ERC2: variants seen among roughly 807,000 people sequenced by gnomAD.
ERC2 encodes the protein ELKS/RAB6-interacting/CAST family member 2, also known as ERC protein 2.
Under a neutral mutation model 114.8 loss-of-function variants are expected in ERC2, and 42 were observed. The ratio of observed to expected loss-of-function variants is 0.37; its 90% CI spans 0.29 to 0.47. The LOEUF (loss-of-function observed/expected upper bound fraction) is 0.47, where lower values mean the gene tolerates loss of function less well. Ranked by LOEUF, ERC2 falls within the 20% of genes least tolerant of loss-of-function variation. The pLI is 0.99. For synonymous variants in ERC2, 454 were observed against 425.5 expected (o/e 1.07, Z -0.82); for missense variants, 939 against 1,150.7 (o/e 0.82, Z 2.66).
chr3:55,784,016 A>T (rs943873792), intron 14 of ERC2, among the ~76,000 whole-genome samples: 1 of 152,244 alleles, frequency 6.6e-6, no homozygotes, highest in Non-Finnish European at 1.5e-5. Context: ...ACCTTAAACT[A>T]GGACATTTTC....
rs73078477 is a variant in ERC2, at chr3:56,133,512, T to C, written c.1473+5997A>G. Among the ~76,000 whole-genome samples the C allele has an allele frequency of 9.1e-3, 1,384 of 152,290 alleles. 6 individuals carry two copies. Among genetic ancestry groups the C allele is most frequent in the Middle Eastern group, 0.017 (5 of 294 alleles). On this transcript the variant is annotated intron_variant, in intron 6 of 17. Coordinates refer to ENST00000288221, the MANE Select transcript of ERC2 (RefSeq NM_015576.3). ...TTCCTGACATGAAGAAAGCCCTCAG[T>C]CCACTGGGACTCTCATGGAAATCAC...
chr3:55,926,306 G>A (rs1337322325), intron 13 of ERC2, among the ~76,000 whole-genome samples: 4 of 151,716 alleles, frequency 2.6e-5, no homozygotes, highest in African/African-American at 7.3e-5. Context: ...TTCCCATGGA[G>A]TAAATTCAAG....
At chr3:56,293,018 G>T (rs2055192996) in intron 3 of ERC2, among the ~76,000 whole-genome samples, 1 of 152,142 alleles carries the variant, frequency 6.6e-6, no homozygotes, top group Non-Finnish European at 1.5e-5. Flanking sequence ...GGTACATTTT[G>T]TTAATTATCA....
At chr3:56,258,609 G>A (rs944823012) in intron 3 of ERC2, among the ~76,000 whole-genome samples, 3 of 152,308 alleles carry the variant, frequency 2.0e-5, no homozygotes, top group African/African-American at 4.8e-5. Context: ...AGCCAAGATC[G>A]CGCCACTGCA....
intron 17 of ERC2, among the ~76,000 whole-genome samples, chr3:55,554,647 A>G (rs1471757624): frequency 2.0e-5 from 3 of 152,226 alleles, no homozygotes; most frequent in Admixed American, 6.5e-5. Flanking sequence ...GACAAAACAA[A>G]GACATTTGCA....
At chr3:55,714,639 A>G (rs373250911) in intron 15 of ERC2, among the ~76,000 whole-genome samples, 72 of 99,840 alleles carry the variant, frequency 7.2e-4, no homozygotes, top group South Asian at 6.9e-3. Context: ...GTTTGTATAT[A>G]TGTGTGTGTG....
intron 13 of ERC2, among the ~76,000 whole-genome samples, chr3:55,891,479 G>A (rs1429255199): frequency 4.1e-5 from 5 of 120,690 alleles, no homozygotes; most frequent in Admixed American, 1.2e-4. Context: ...CTGGAGTCTC[G>A]CTCTGTCACC....
chr3:55,514,884 C>T lies in ERC2; in HGVS notation c.*40-3608G>A, dbSNP rs184056173. 4.0e-3 allele frequency among the ~76,000 whole-genome samples: 608 copies of T among 152,310 alleles called. 1 individual carries two copies. Among genetic ancestry groups the T allele is most frequent in the Non-Finnish European group, 6.5e-3 (440 of 68,036 alleles). ...AGCTAATAAATGGGTGCTATTTTCA[C>T]CACCATATTTATGGTAATTTGCTAT... On this transcript the variant is annotated intron_variant, in intron 17 of 17. Coordinates refer to ENST00000288221, the MANE Select transcript of ERC2 (RefSeq NM_015576.3).
chr3:56,275,687 C>T (rs960649337), intron 3 of ERC2, among the ~76,000 whole-genome samples: 10 of 152,210 alleles, frequency 6.6e-5, no homozygotes, highest in African/African-American at 2.2e-4. Context: ...CAGCTCTTAG[C>T]TAGCAAACTC....
At chr3:55,626,599 G>T (rs1342741687) in intron 17 of ERC2, among the ~76,000 whole-genome samples, 1 of 152,322 alleles carries the variant, frequency 6.6e-6, no homozygotes, top group East Asian at 1.9e-4. Flanking sequence ...TTTTATTACA[G>T]AAGGAAATTC....
At chr3:56,204,760 C>T (rs1022761000) in intron 3 of ERC2, among the ~76,000 whole-genome samples, 1 of 152,034 alleles carries the variant, frequency 6.6e-6, no homozygotes, top group African/African-American at 2.4e-5. Flanking sequence ...CTCAGCCTCC[C>T]AAAGTGCTGG....
At chr3:56,420,149 A>T (rs2061330488) in intron 2 of ERC2, among the ~76,000 whole-genome samples, 1 of 150,810 alleles carries the variant, frequency 6.6e-6, no homozygotes, top group African/African-American at 2.4e-5. Flanking sequence ...CTCACGAGCC[A>T]ATCGTTTTTA....
chr3:55,687,350 A>G (rs1314851763), intron 16 of ERC2, among the ~76,000 whole-genome samples: 1 of 148,786 alleles, frequency 6.7e-6, no homozygotes, highest in Non-Finnish European at 1.5e-5. Context: ...AGGTATAGCC[A>G]GCAGGCAAAC....
At chr3:56,413,438 T>C (rs2061020536) in intron 2 of ERC2, among the ~76,000 whole-genome samples, 1 of 152,214 alleles carries the variant, frequency 6.6e-6, no homozygotes, top group Non-Finnish European at 1.5e-5. Context: ...TATGGCCATC[T>C]TGGGTCCTGG....
chr3:55,569,497 T>A (rs982517699), intron 17 of ERC2, among the ~76,000 whole-genome samples: 1 of 152,146 alleles, frequency 6.6e-6, no homozygotes, highest in African/African-American at 2.4e-5. Flanking sequence ...CGTGTGGAAA[T>A]ATTTCTCTTT....
chr3:55,578,650 T>C (rs7631822), intron 17 of ERC2, among the ~76,000 whole-genome samples: 5 of 152,050 alleles, frequency 3.3e-5, no homozygotes, highest in African/African-American at 4.8e-5. Context: ...TCACCTCAAA[T>C]CTTAGTGGCT....
At chr3:56,179,190 C>T (rs61689518) in intron 3 of ERC2, among the ~76,000 whole-genome samples, 14,278 of 151,988 alleles carry the variant, frequency 0.094, 933 homozygotes, top group African/African-American at 0.16. Context: ...CTTCATCTAA[C>T]GGAAACGAGG....
intron 17 of ERC2, among the ~76,000 whole-genome samples, chr3:55,564,814 T>C (rs990235712): frequency 1.3e-5 from 2 of 152,258 alleles, no homozygotes; most frequent in Non-Finnish European, 2.9e-5. Flanking sequence ...GCAACCATTT[T>C]GACTCAGAAG....
intron 3 of ERC2, among the ~76,000 whole-genome samples, chr3:56,282,115 G>T (rs2054389119): frequency 6.6e-6 from 1 of 152,192 alleles, no homozygotes; most frequent in African/African-American, 2.4e-5. Flanking sequence ...GCAGGTGAAT[G>T]CAAAGATTTT....
Sources: gnomAD v4.1 joint callset for allele counts (sites outside exome capture counted in the v4.1 genomes callset) on GRCh38, gnomAD v4.1.1 for gene constraint, MANE v1.5 for transcripts, NCBI Gene and HGNC (gene_info 2026-07-23, HGNC 2026-07-21) for gene names.